The following NT5DC1 variants were observed in gnomAD, a reference collection of about 807,000 sequenced individuals.
The protein encoded by NT5DC1 is 5'-nucleotidase domain-containing protein 1.
NT5DC1 carries 42 observed loss-of-function variants against 59.4 expected under a neutral mutation model. That is an observed-to-expected ratio of 0.71 (90% confidence interval 0.55 to 0.92). The LOEUF (loss-of-function observed/expected upper bound fraction) is 0.92. Among genes scored for constraint, NT5DC1 ranks in the 40% least tolerant of loss-of-function variants. The pLI is 0.00. For missense variants in NT5DC1, 501 were observed against 537.1 expected (o/e 0.93, Z 0.66); for synonymous variants, 172 against 188.1 (o/e 0.91, Z 0.70).
chr6:116,194,082 A>G (rs1271312300), intron 6 of NT5DC1, among the ~76,000 whole-genome samples: 2 of 151,996 alleles, frequency 1.3e-5, no homozygotes, highest in Non-Finnish European at 2.9e-5. Context: ...TTGGTCAACA[A>G]TAAATAAAGT....
At position 116,154,751 on chromosome 6, in the gene NT5DC1, A is replaced by G. The variant is rs73772297; in HGVS notation, c.529+36806A>G. On this transcript the variant is annotated intron_variant, in intron 6 of 11. Coordinates refer to ENST00000319550, the MANE Select transcript of NT5DC1 (RefSeq NM_152729.3). The stretch of plus-strand genomic sequence containing the variant: ...TCATTCATTCTATTTTATTTCACTC[A>G]TCAAACTAAAAACAAAGCACCGTTT... Among the ~76,000 whole-genome samples the G allele has an allele frequency of 4.9e-3, 741 of 152,320 alleles. 12 individuals are homozygous for G. The highest frequency in any genetic ancestry group is 0.043 in the South Asian group (209 of 4,830).
chr6:116,190,959 G>A (rs1204575194), intron 6 of NT5DC1, among the ~76,000 whole-genome samples: 1 of 151,958 alleles, frequency 6.6e-6, no homozygotes, highest in Non-Finnish European at 1.5e-5. Context: ...AACTGGAAAA[G>A]ACTTGAGAAA....
At chr6:116,239,889 G>T (rs1771641768) in intron 11 of NT5DC1, among the ~76,000 whole-genome samples, 1 of 152,072 alleles carries the variant, frequency 6.6e-6, no homozygotes, top group African/African-American at 2.4e-5. Context: ...ATACAGAAAA[G>T]GAAGGAATGA....
chr6:116,125,517 A>G (rs377425972), intron 6 of NT5DC1: 8 of 1,611,962 alleles, frequency 5.0e-6, no homozygotes, highest in Non-Finnish European at 5.1e-6. Flanking sequence ...TCTGAAAAAC[A>G]GAAAAGAATA....
intron 6 of NT5DC1, among the ~76,000 whole-genome samples, chr6:116,213,518 T>C (rs1781626806): frequency 6.6e-6 from 1 of 152,034 alleles, no homozygotes; most frequent in African/African-American, 2.4e-5. Context: ...AGCAGTAAAA[T>C]AACCTCTCCA....
Position 116,108,345 on chromosome 6 carries a change from T to G in NT5DC1, c.186-19T>G. On this transcript the variant is annotated intron_variant, in intron 2 of 11. Coordinates refer to ENST00000319550, the MANE Select transcript of NT5DC1 (RefSeq NM_152729.3). ...GCTAAATATAGGAATTGATTAATAATCAAACTTTCCTATTTCAGTTGCAAA... is the reference window on the plus strand; with the variant it reads ...GCTAAATATAGGAATTGATTAATAAGCAAACTTTCCTATTTCAGTTGCAAA... 6.5e-7 allele frequency: 1 copy of G among 1,530,728 alleles called. No individual in the cohort carries two copies. The highest frequency in any genetic ancestry group is 9.1e-7 in the Non-Finnish European group (1 of 1,104,272). 94.8% of individuals were successfully genotyped at this position (1,530,728 alleles called of 1,614,324 possible). A position where few individuals can be genotyped will look rare whatever the true frequency, so the allele number is the denominator to read the frequency against.
At chr6:116,133,575 C>T (rs546167571) in intron 6 of NT5DC1, among the ~76,000 whole-genome samples, 4 of 152,266 alleles carry the variant, frequency 2.6e-5, no homozygotes, top group South Asian at 2.1e-4. Flanking sequence ...AGAAACCCAT[C>T]GTCAAAACGG....
Position 116,128,192 on chromosome 6 carries a change from T to C in NT5DC1, c.529+10247T>C, listed in dbSNP as rs375542536. ...TTAGTTTTGGAAAATGTGGTGTCCT[T>C]ATTGAATAAGCCTTGGACATTCAAC... On this transcript the variant is annotated intron_variant, in intron 6 of 11. Coordinates refer to ENST00000319550, the MANE Select transcript of NT5DC1 (RefSeq NM_152729.3). Among the ~76,000 whole-genome samples the C allele has an allele frequency of 4.5e-4, 68 of 152,274 alleles. 1 individual carries two copies. The South Asian group carries it at 0.013, about 28-fold the overall frequency.
chr6:116,105,878 G>C (rs1778756879), intron 1 of NT5DC1, among the ~76,000 whole-genome samples: 1 of 152,114 alleles, frequency 6.6e-6, no homozygotes, highest in African/African-American at 2.4e-5. Flanking sequence ...AATGGACCAA[G>C]GATGGATGGA....
chr6:116,218,216 G>A (rs1781723002), intron 6 of NT5DC1, among the ~76,000 whole-genome samples: 1 of 152,004 alleles, frequency 6.6e-6, no homozygotes. Context: ...TTAAAATATT[G>A]TATTTAAATG....
rs760799202 is a variant in NT5DC1, at chr6:116,121,085, C to G, written c.529+3140C>G. The G allele has an allele frequency of 3.7e-6, 6 of 1,613,992 alleles. No homozygotes were observed. In the South Asian group the frequency reaches 5.5e-5, roughly 15 times the overall value. On this transcript the variant is annotated intron_variant, in intron 6 of 11. Transcript: ENST00000319550. ...CGGGATGCCTTTTGGTCCTTGGGGT[C>G]CCATATTCCCAGGGGGTCCAGTCAG...
At chr6:116,154,169 A>G (rs1427333690) in intron 6 of NT5DC1, among the ~76,000 whole-genome samples, 1 of 152,046 alleles carries the variant, frequency 6.6e-6, no homozygotes, top group East Asian at 1.9e-4. Context: ...ATAAGAGTCT[A>G]TTGATTTTAC....
chr6:116,119,902 G>A lies in NT5DC1; in HGVS notation c.529+1957G>A, dbSNP rs902852448. The A allele has an allele frequency of 1.8e-5, 12 of 649,828 alleles. 1 individual carries two copies. Among genetic ancestry groups the A allele is most frequent in the Admixed American group, 5.3e-5 (2 of 37,672 alleles). 40.3% of individuals were successfully genotyped at this position (649,828 alleles called of 1,614,324 possible). A position where few individuals can be genotyped will look rare whatever the true frequency, so the allele number is the denominator to read the frequency against. On this transcript the variant is annotated intron_variant, in intron 6 of 11. Coordinates refer to ENST00000319550, the MANE Select transcript of NT5DC1 (RefSeq NM_152729.3). ...AGAGAGGCTTCACATACGTTTTTAC[G>A]TTGCTGCTCACTTTTCAGGGGGAAG...
intron 6 of NT5DC1, among the ~76,000 whole-genome samples, chr6:116,139,778 A>G (rs1268994345): frequency 6.6e-6 from 1 of 152,154 alleles, no homozygotes; most frequent in African/African-American, 2.4e-5. Context: ...AAGGCATTAT[A>G]AATATTAATA....
intron 11 of NT5DC1, 55 bp downstream of exon 11, chr6:116,239,178 T>TA: frequency 8.1e-7 from 1 of 1,238,236 alleles, no homozygotes; most frequent in Non-Finnish European, 1.1e-6. Context: ...TAATGACCAG[T>TA]ACTAGAATTC....
At chr6:116,118,300 C>A (rs1779008313) in intron 6 of NT5DC1, among the ~76,000 whole-genome samples, 1 of 152,090 alleles carries the variant, frequency 6.6e-6, no homozygotes, top group East Asian at 1.9e-4. Flanking sequence ...GACAGGTGGG[C>A]AAAATGTCTG....
chr6:116,162,598 C>A (rs888609155), intron 6 of NT5DC1, among the ~76,000 whole-genome samples: 2 of 152,116 alleles, frequency 1.3e-5, no homozygotes, highest in Admixed American at 6.6e-5. Context: ...ATATGTTGAA[C>A]CATCCTTGTG....
intron 11 of NT5DC1, among the ~76,000 whole-genome samples, chr6:116,240,933 C>G (rs1771699688): frequency 6.6e-6 from 1 of 151,978 alleles, no homozygotes; most frequent in Non-Finnish European, 1.5e-5. Flanking sequence ...CACCTGAAGT[C>G]AGGAGTTTGA....
intron 11 of NT5DC1, among the ~76,000 whole-genome samples, chr6:116,241,935 A>AAAC (rs1771735666): frequency 7.9e-5 from 2 of 25,418 alleles, no homozygotes; most frequent in African/African-American, 2.6e-4. Context: ...AAAAAAAAAA[A>AAAC]AAACAAAACA....
Sources: gnomAD v4.1 joint callset for allele counts (sites outside exome capture counted in the v4.1 genomes callset) on GRCh38, gnomAD v4.1.1 for gene constraint, MANE v1.5 for transcripts, NCBI Gene and HGNC (gene_info 2026-07-23, HGNC 2026-07-21) for gene names.